The following MCAT variants were observed in gnomAD, a reference collection of about 807,000 sequenced individuals.
MCAT encodes the protein malonyl-CoA-acyl carrier protein transacylase, mitochondrial.
A neutral mutation model predicts 22.9 loss-of-function variants in MCAT; 22 were observed. The observed-to-expected ratio is 0.96, with a 90% CI of 0.69 to 1.37. MCAT has a LOEUF of 1.37. Among genes scored for constraint, MCAT ranks in the 40% most tolerant of loss-of-function variants. The probability of loss-of-function intolerance (pLI) is 0.00; values close to 1 mark genes in which losing one functional copy is unlikely to be tolerated. For missense variants in MCAT, 534 were observed against 533.6 expected, an observed-to-expected ratio of 1.00 and a Z score of -0.01; for synonymous variants, 240 against 233.9, an observed-to-expected ratio of 1.03 and a Z score of -0.24.
At position 43,137,129 on chromosome 22, in the gene MCAT, C is replaced by T. The variant is rs147911596; in HGVS notation, c.681G>A (p.Val227=). The T allele has an allele frequency of 1.7e-3, 2,774 of 1,614,180 alleles. 5 individuals are homozygous for T. The highest frequency in any genetic ancestry group is 2.2e-3 in the Non-Finnish European group (2,620 of 1,180,034). Residue 227 remains valine, a synonymous_variant, in exon 3 of 4, where the codon GTG becomes GTA. Transcript: ENST00000290429. Reference sequence around the variant, plus strand: ...TGCAATCTGGAAAGAGGTAGTTGGACACTTCACATACGGGGTTCTCTATGC... The same window carrying T: ...TGCAATCTGGAAAGAGGTAGTTGGATACTTCACATACGGGGTTCTCTATGC... ...SLGIENPVCE[V]SNYLFPDCRV... is the part of the protein sequence containing the mutation.
At chr22:43,135,145 G>T (rs1236338003) in intron 3 of MCAT, among the ~76,000 whole-genome samples, 2 of 152,238 alleles carry the variant, frequency 1.3e-5, no homozygotes, top group East Asian at 3.8e-4. Context: ...TGTTGGAAAG[G>T]GGCTTCCCCC....
Position 43,137,270 on chromosome 22 carries a change from C to A in MCAT, c.540G>T (p.Glu180Asp). Residue 180 changes from glutamate (E) to aspartate (D), a missense_variant, in exon 3 of 4, where the codon GAG becomes GAT. Glu to Asp is a conservative substitution (Grantham distance 45). Transcript: ENST00000290429. ...EGLYAVKIRA[E>D]AMQEASEAVP... ...CAGCTTCTGAAGCTTCCTGCATGGC[C>A]TCAGCTCGGATTTTCACTGCATACA... 6.2e-7 allele frequency: 1 copy of A among 1,614,104 alleles called. No individual in the cohort carries two copies. The highest frequency in any genetic ancestry group is 8.5e-7 in the Non-Finnish European group (1 of 1,180,016).
chr22:43,139,934 A>G (rs959064109), intron 2 of MCAT, among the ~76,000 whole-genome samples: 3 of 152,220 alleles, frequency 2.0e-5, no homozygotes, highest in African/African-American at 7.2e-5. Context: ...AAATTGTTTC[A>G]TAAAATGTGA....
intron 1 of MCAT, 89 bp from the exon 2 acceptor site, chr22:43,141,338 G>C: frequency 9.2e-7 from 1 of 1,082,328 alleles, no homozygotes; most frequent in South Asian, 1.3e-5. Flanking sequence ...GGGGTGTTCA[G>C]CATCTCAGTG....
Position 43,143,154 on chromosome 22 carries a change from C to A in MCAT, c.195G>T (p.Leu65=). 6.3e-7 allele frequency: 1 copy of A among 1,581,040 alleles called. No individual in the cohort carries two copies. Among genetic ancestry groups the A allele is most frequent in the Non-Finnish European group, 8.5e-7 (1 of 1,170,450 alleles). ...ERRMPGQCSV[L]LFPGQGSQVV... is the part of the protein sequence containing the mutation. ...CCTGGCTGCCCTGGCCCGGGAAGAG[C>A]AGCACGGAGCACTGGCCCGGCATTC... Residue 65 remains leucine, a synonymous_variant, in exon 1 of 4, where the codon CTG becomes CTT. Transcript: ENST00000290429.
At chr22:43,140,861 A>G (rs1344357601) in intron 2 of MCAT, 8 of 302,664 alleles carry the variant, frequency 2.6e-5, no homozygotes, top group Admixed American at 4.5e-5. Context: ...AATTCAACGA[A>G]TATCTACTGA....
chr22:43,136,218 T>C (rs1930605930), intron 3 of MCAT, among the ~76,000 whole-genome samples: 1 of 152,200 alleles, frequency 6.6e-6, no homozygotes, highest in Non-Finnish European at 1.5e-5. Context: ...TACTCCAGCC[T>C]AGGCAACACA....
intron 2 of MCAT, among the ~76,000 whole-genome samples, chr22:43,137,681 G>C (rs1011718600): frequency 3.3e-5 from 5 of 152,062 alleles, no homozygotes; most frequent in Non-Finnish European, 7.4e-5. Context: ...GCACTGCACA[G>C]GTCAGCCCCC....
chr22:43,139,070 T>C (rs921030590), intron 2 of MCAT, among the ~76,000 whole-genome samples: 8 of 151,534 alleles, frequency 5.3e-5, no homozygotes, highest in African/African-American at 1.9e-4. Flanking sequence ...TATGGTTGCA[T>C]CACTGCACTC....
chr22:43,136,800 A>G (rs538981316), intron 3 of MCAT, among the ~76,000 whole-genome samples: 3 of 152,356 alleles, frequency 2.0e-5, no homozygotes, highest in African/African-American at 7.2e-5. Context: ...AGAATGTACT[A>G]CGGGAAGGGC....
rs1293672154 is a variant in MCAT, at chr22:43,141,158, G to A, written c.511+4C>T. On this transcript the variant is annotated splice_donor_region_variant and intron_variant, in intron 2 of 3. Transcript: ENST00000290429. ...CTTGCATAAAACCAAACTCCTTCCT[G>A]TACCTTCAGCAAATTCCATGGCTCC... 3 of 1,613,728 alleles carry A rather than the reference G, an allele frequency of 1.9e-6. No homozygotes were observed. Among genetic ancestry groups the A allele is most frequent in the Non-Finnish European group, 2.5e-6 (3 of 1,179,842 alleles).
At chr22:43,139,738 C>T in intron 2 of MCAT, among the ~76,000 whole-genome samples, 1 of 151,918 alleles carries the variant, frequency 6.6e-6, no homozygotes, top group East Asian at 1.9e-4. Flanking sequence ...CCACCACACC[C>T]AGATAATTTT....
rs1006956736 is a variant in MCAT, at chr22:43,132,570, T to G, written c.*473A>C. 6 of 167,792 alleles carry G rather than the reference T, an allele frequency of 3.6e-5. No homozygotes were observed. Among genetic ancestry groups the G allele is most frequent in the South Asian group, 1.5e-4 (1 of 6,712 alleles). The allele number at this position is 167,792 out of a possible 1,614,324, so 10.4% of individuals were successfully genotyped here. On this transcript the variant is annotated 3_prime_UTR_variant, in exon 4 of 4. Coordinates refer to ENST00000290429, the MANE Select transcript of MCAT (RefSeq NM_173467.5). The stretch of plus-strand genomic sequence containing the variant: ...GGTGAACAAAACTGCCAAGGCCAAC[T>G]GGGTTCTAAAACCTTTCAGATTTGT...
intron 2 of MCAT, 71 bp from the exon 3 acceptor site, chr22:43,137,369 C>T: frequency 7.7e-7 from 1 of 1,305,664 alleles, no homozygotes; most frequent in African/African-American, 1.5e-5. Flanking sequence ...GCCTGAGAAA[C>T]AAAGCCCAAG....
chr22:43,143,333 C>T lies in MCAT; in HGVS notation c.16G>A (p.Ala6Thr). The change falls in exon 1 of 4, where the codon GCA (alanine) becomes ACA (threonine). Residue 6 changes from alanine (A) to threonine (T), a missense_variant. By Grantham distance (58) the Ala-to-Thr change is moderately conservative. Transcript: ENST00000290429. MSVRV[A>T]RVAWVRGLGA... ...AAGCCCCTGACCCACGCTACCCGTG[C>T]GACCCGGACGCTCATGGTCGGACAC... 7.2e-7 allele frequency: 1 copy of T among 1,387,182 alleles called. No homozygotes were observed. The highest frequency in any genetic ancestry group is 1.5e-5 in the African/African-American group (1 of 65,540). 85.9% of individuals were successfully genotyped at this position (1,387,182 alleles called of 1,614,324 possible). A position where few individuals can be genotyped will look rare whatever the true frequency, so the allele number is the denominator to read the frequency against.
chr22:43,139,788 G>A (rs1285377371), intron 2 of MCAT, among the ~76,000 whole-genome samples: 1 of 152,040 alleles, frequency 6.6e-6, no homozygotes, highest in African/African-American at 2.4e-5. Flanking sequence ...ACGTTGGTCA[G>A]GCTGGTCTCA....
chr22:43,137,285 C>T lies in MCAT; in HGVS notation c.525G>A (p.Val175=). ...AMEFAEGLYA[V]KIRAEAMQEA... is the part of the protein sequence containing the mutation. ...CCTGCATGGCCTCAGCTCGGATTTT[C>T]ACTGCATACAAACCTGGCCAGAGAG... The change falls in exon 3 of 4, where the codon GTG becomes GTA. Residue 175 remains valine (V), a synonymous_variant. Coordinates refer to ENST00000290429, the MANE Select transcript of MCAT (RefSeq NM_173467.5). 6.2e-7 allele frequency: 1 copy of T among 1,613,940 alleles called. No homozygotes were observed. Among genetic ancestry groups the T allele is most frequent in the Non-Finnish European group, 8.5e-7 (1 of 1,179,964 alleles).
chr22:43,138,219 A>C (rs1179407654), intron 2 of MCAT, among the ~76,000 whole-genome samples: 2 of 152,012 alleles, frequency 1.3e-5, no homozygotes, highest in Admixed American at 1.3e-4. Context: ...GTGACAGAGC[A>C]AGACCCTGTC....
intron 3 of MCAT, among the ~76,000 whole-genome samples, chr22:43,133,931 A>C (rs1049372509): frequency 1.3e-5 from 2 of 150,468 alleles, no homozygotes; most frequent in African/African-American, 4.9e-5. Flanking sequence ...TCAGCCTCCC[A>C]AGTAGCTGGG....
Sources: allele counts gnomAD v4.1 joint callset (sites outside exome capture counted in the v4.1 genomes callset), GRCh38; gene constraint gnomAD v4.1.1; transcripts MANE v1.5; gene names NCBI Gene and HGNC (gene_info 2026-07-23, HGNC 2026-07-21).